The following MCTP1 variants were observed in gnomAD, a reference collection of about 807,000 sequenced individuals.
The protein encoded by MCTP1 is multiple C2 and transmembrane domain containing 1, also known as multiple C2 and transmembrane domain-containing protein 1.
A neutral mutation model predicts 120.6 loss-of-function variants in MCTP1; 69 were observed. The observed-to-expected ratio is 0.57, with a 90% CI of 0.47 to 0.70. MCTP1 has a LOEUF of 0.70. Ranked by LOEUF, MCTP1 falls within the 30% of genes least tolerant of loss-of-function variation. MCTP1 has a pLI of 0.00. For synonymous variants in MCTP1, 529 were observed against 493.1 expected (o/e 1.07, Z -0.96); for missense variants, 1,203 against 1,248.8 (o/e 0.96, Z 0.55).
chr5:94,823,553 T>C (rs1459253871), intron 17 of MCTP1, among the ~76,000 whole-genome samples: 19 of 152,222 alleles, frequency 1.2e-4, no homozygotes, highest in Admixed American at 1.2e-3. Context: ...ATATGAAATT[T>C]AAAGTAGTTT....
At chr5:94,743,909 G>T (rs1446056527) in intron 19 of MCTP1, among the ~76,000 whole-genome samples, 2 of 152,008 alleles carry the variant, frequency 1.3e-5, no homozygotes, top group African/African-American at 4.8e-5. Flanking sequence ...AAAGTGCTAG[G>T]ATTACAGGTG....
chr5:95,131,050 A>G (rs1039428901), intron 1 of MCTP1, among the ~76,000 whole-genome samples: 1 of 152,182 alleles, frequency 6.6e-6, no homozygotes, highest in Non-Finnish European at 1.5e-5. Flanking sequence ...ACAGTATTCA[A>G]TCCATTCTGA....
intron 1 of MCTP1, among the ~76,000 whole-genome samples, chr5:95,018,992 G>GT (rs1054656064): frequency 6.6e-6 from 1 of 151,930 alleles, no homozygotes; most frequent in African/African-American, 2.4e-5. Context: ...TATAGGTTTG[G>GT]TTTTTTGTGG....
At chr5:95,170,722 G>A (rs1452107798) in intron 1 of MCTP1, among the ~76,000 whole-genome samples, 5 of 151,824 alleles carry the variant, frequency 3.3e-5, no homozygotes, top group African/African-American at 9.7e-5. Context: ...ATCAGAGACT[G>A]GGATTGCAAC....
intron 1 of MCTP1, among the ~76,000 whole-genome samples, chr5:95,180,775 A>C (rs1435635052): frequency 6.6e-6 from 1 of 152,124 alleles, no homozygotes; most frequent in Non-Finnish European, 1.5e-5. Flanking sequence ...CTCTCAACTT[A>C]TCACATCTAA....
chr5:95,266,873 G>T (rs1241311404), intron 1 of MCTP1, among the ~76,000 whole-genome samples: 5 of 152,160 alleles, frequency 3.3e-5, no homozygotes, highest in Non-Finnish European at 5.9e-5. Flanking sequence ...CAAGTAGGCT[G>T]GCTTATGTCG....
intron 2 of MCTP1, among the ~76,000 whole-genome samples, chr5:95,011,933 A>C (rs935635314): frequency 6.6e-6 from 1 of 152,132 alleles, no homozygotes; most frequent in African/African-American, 2.4e-5. Context: ...TGGCACTGCA[A>C]AAATGATCCA....
At chr5:94,767,855 A>G (rs1429488715) in intron 19 of MCTP1, among the ~76,000 whole-genome samples, 1 of 152,194 alleles carries the variant, frequency 6.6e-6, no homozygotes, top group Non-Finnish European at 1.5e-5. Flanking sequence ...ATTCAATGCA[A>G]TCTCTATCAA....
At chr5:95,065,325 G>A (rs1265691025) in intron 1 of MCTP1, among the ~76,000 whole-genome samples, 1 of 151,670 alleles carries the variant, frequency 6.6e-6, no homozygotes, top group African/African-American at 2.4e-5. Flanking sequence ...AAAAAAACTG[G>A]CAAATCTCAA....
rs927816903 is a variant in MCTP1 at position 94,741,318 on chromosome 5, G to A, written c.2611-26432C>T. 6.6e-5 allele frequency among the ~76,000 whole-genome samples: 10 copies of A among 152,270 alleles called. No homozygotes were observed. The South Asian group carries it at 2.1e-3, about 32-fold the overall frequency. On this transcript the variant is annotated intron_variant, in intron 19 of 22. Transcript: ENST00000515393. ...AGGAAATGATGATTGCTCACAATAA[G>A]AAGTATAAAAATGGAACACTCGTTT...
chr5:95,169,484 C>G (rs765862469), intron 1 of MCTP1, among the ~76,000 whole-genome samples: 62 of 152,112 alleles, frequency 4.1e-4, no homozygotes, highest in Non-Finnish European at 7.4e-4. Context: ...CCAGCTCCTC[C>G]TTGTACCTCT....
In MCTP1 at chr5:95,186,903, A is replaced by G. The variant is rs114498102; in HGVS notation, c.720+96953T>C. 3.3e-3 allele frequency among the ~76,000 whole-genome samples: 506 copies of G among 152,334 alleles called. 3 individuals are homozygous for G. Among genetic ancestry groups the G allele is most frequent in the African/African-American group, 0.011 (478 of 41,580 alleles). On this transcript the variant is annotated intron_variant, in intron 1 of 22. Coordinates refer to ENST00000515393, the MANE Select transcript of MCTP1 (RefSeq NM_024717.7). ...ATACATCCAGTGGCTTTTAATAAAG[A>G]TGCCAATGAAAGTTAAAATGGCTTA... is the stretch of plus-strand genomic sequence containing the variant.
chr5:95,075,719 G>T (rs897606811), intron 1 of MCTP1, among the ~76,000 whole-genome samples: 2 of 152,056 alleles, frequency 1.3e-5, no homozygotes, highest in Non-Finnish European at 2.9e-5. Context: ...ATAATTTTAC[G>T]TAAAAGTTTT....
At chr5:95,031,198 G>C (rs565237821) in intron 1 of MCTP1, among the ~76,000 whole-genome samples, 93 of 152,034 alleles carry the variant, frequency 6.1e-4, no homozygotes, top group Non-Finnish European at 1.3e-3. Flanking sequence ...TAGGAACTCA[G>C]AAAACTTATT....
In MCTP1 at chr5:94,833,006, A is replaced by G. The variant is rs113595222; in HGVS notation, c.2437-33874T>C. Among the ~76,000 whole-genome samples, 1,332 of 152,334 alleles carry G rather than the reference A, an allele frequency of 8.7e-3. 12 individuals are homozygous for G. Among genetic ancestry groups the G allele is most frequent in the African/African-American group, 0.031 (1,278 of 41,562 alleles). ...AGTGAGCTGTTCATCTTTGTCTTCA[A>G]GCATCTAAGAACACAGTTATCTCAG... On this transcript the variant is annotated intron_variant, in intron 17 of 22. Coordinates refer to ENST00000515393, the MANE Select transcript of MCTP1 (RefSeq NM_024717.7).
At chr5:94,952,010 A>G (rs1820717402) in intron 3 of MCTP1, among the ~76,000 whole-genome samples, 1 of 151,936 alleles carries the variant, frequency 6.6e-6, no homozygotes, top group Non-Finnish European at 1.5e-5. Context: ...CATCTCTACT[A>G]AAAATACAAA....
At chr5:95,244,348 C>T (rs1044781261) in intron 1 of MCTP1, among the ~76,000 whole-genome samples, 2 of 152,138 alleles carry the variant, frequency 1.3e-5, no homozygotes, top group East Asian at 1.9e-4. Context: ...GTGCAGCCCA[C>T]GGAGGATGAG....
At chr5:95,263,296 C>G (rs564372921) in intron 1 of MCTP1, among the ~76,000 whole-genome samples, 1 of 152,276 alleles carries the variant, frequency 6.6e-6, no homozygotes, top group East Asian at 1.9e-4. Context: ...GTTTCCCATT[C>G]CCTTGCCAGA....
At chr5:94,919,784 C>A (rs293046) in intron 7 of MCTP1, among the ~76,000 whole-genome samples, 3 of 152,040 alleles carry the variant, frequency 2.0e-5, no homozygotes, top group African/African-American at 4.8e-5. Context: ...TTTATTCCAG[C>A]GAATTGCACC....
Sources: gnomAD v4.1 joint callset for allele counts (sites outside exome capture counted in the v4.1 genomes callset) on GRCh38, gnomAD v4.1.1 for gene constraint, MANE v1.5 for transcripts, NCBI Gene and HGNC (gene_info 2026-07-23, HGNC 2026-07-21) for gene names.